VWA8: variants seen among roughly 807,000 people sequenced by gnomAD.
VWA8 encodes von Willebrand factor A domain containing 8, also known as von Willebrand factor A domain-containing protein 8.
Under a neutral mutation model 241.5 loss-of-function variants are expected in VWA8, and 221 were observed. That is an observed-to-expected ratio of 0.91 (90% CI 0.82 to 1.02). The LOEUF (loss-of-function observed/expected upper bound fraction) is 1.02. Ranked by LOEUF, VWA8 falls within the 50% of genes least tolerant of loss-of-function variation. The pLI is 0.00. For missense variants in VWA8, 2,322 were observed against 2,328.7 expected, an observed-to-expected ratio of 1.00 and a Z score of 0.06; for synonymous variants, 852 against 827.1, an observed-to-expected ratio of 1.03 and a Z score of -0.52.
intron 40 of VWA8, among the ~76,000 whole-genome samples, chr13:41,593,648 T>C (rs1313643976): frequency 1.3e-5 from 2 of 152,208 alleles, no homozygotes; most frequent in African/African-American, 4.8e-5. Context: ...GGATAATTTA[T>C]CCTGGGAAAT....
chr13:41,961,015 T>TGGCGCCGGGGGGGCTGTCGGGGAC lies in VWA8; in HGVS notation c.-24_-1dup, dbSNP rs1878593035. On this transcript the variant is annotated 5_prime_UTR_variant, in exon 1 of 45. Coordinates refer to ENST00000379310, the MANE Select transcript of VWA8 (RefSeq NM_015058.2). ...CCGAGGAGTAGAAGCCGGGATTGCATGGCGCCGGGGGGGCTGTCGGGGACG... is the reference window on the plus strand; with the variant it reads ...CCGAGGAGTAGAAGCCGGGATTGCATGGCGCCGGGGGGGCTGTCGGGGACGGCGCCGGGGGGGCTGTCGGGGACG... The TGGCGCCGGGGGGGCTGTCGGGGAC allele has an allele frequency of 1.1e-5, 14 of 1,327,286 alleles. No individual in the cohort carries two copies. The highest frequency in any genetic ancestry group is 4.0e-5 in the Admixed American group (1 of 24,938). 82.2% of individuals were successfully genotyped at this position (1,327,286 alleles called of 1,614,324 possible). A position where few individuals can be genotyped will look rare whatever the true frequency, so the allele number is the denominator to read the frequency against.
chr13:41,670,861 C>T, intron 37 of VWA8, 85 bp downstream of exon 37: 1 of 1,514,266 alleles, frequency 6.6e-7, no homozygotes, highest in Non-Finnish European at 9.0e-7. Context: ...GTCACTGGCC[C>T]AGAAATTTTC....
intron 5 of VWA8, among the ~76,000 whole-genome samples, chr13:41,890,104 A>C (rs1033602879): frequency 6.6e-6 from 1 of 152,270 alleles, no homozygotes; most frequent in South Asian, 2.1e-4. Flanking sequence ...TGTACTTCAC[A>C]GTAAAGCATC....
chr13:41,951,165 C>G (rs1269944211), intron 1 of VWA8, among the ~76,000 whole-genome samples: 1 of 152,058 alleles, frequency 6.6e-6, no homozygotes, highest in Non-Finnish European at 1.5e-5. Flanking sequence ...GCCTGTAATC[C>G]TAGCACTTTG....
At chr13:41,588,403 A>C (rs999119286) in intron 41 of VWA8, among the ~76,000 whole-genome samples, 4 of 152,192 alleles carry the variant, frequency 2.6e-5, no homozygotes, top group African/African-American at 9.7e-5. Context: ...TTTTAAGAAA[A>C]AGTTTGTTAG....
chr13:41,879,094 C>A (rs926060700), intron 9 of VWA8, among the ~76,000 whole-genome samples: 2 of 152,100 alleles, frequency 1.3e-5, no homozygotes, highest in South Asian at 2.1e-4. Context: ...GGAGTCACGA[C>A]CTTTGATCTT....
At chr13:41,808,908 A>C (rs576170707) in intron 17 of VWA8, among the ~76,000 whole-genome samples, 8 of 152,318 alleles carry the variant, frequency 5.3e-5, no homozygotes, top group Non-Finnish European at 1.0e-4. Context: ...AAATTCATTA[A>C]AGTTGCAGGA....
intron 37 of VWA8, among the ~76,000 whole-genome samples, chr13:41,617,152 T>C (rs1379162274): frequency 1.3e-5 from 2 of 152,118 alleles, no homozygotes; most frequent in Admixed American, 6.5e-5. Flanking sequence ...GAAGTCTTGC[T>C]CTGTCACACA....
Position 41,721,525 on chromosome 13 carries a change from G to T in VWA8, c.2809C>A (p.Leu937Ile), listed in dbSNP as rs771677754. The T allele has an allele frequency of 6.2e-7, 1 of 1,613,786 alleles. No individual in the cohort carries two copies. Among genetic ancestry groups the T allele is most frequent in the Non-Finnish European group, 8.5e-7 (1 of 1,179,818 alleles). ...AVDNPKPHSE[L>I]EMLRQYGPNV... ...GGTCCATACTGTCTGAGCATCTCGA[G>T]CTCCGAGTGGGGTTTGGGGTTATCA... The change falls in exon 25 of 45, where the codon CTC (leucine) becomes ATC (isoleucine). Residue 937 changes from leucine to isoleucine, a missense_variant. Leu to Ile is a conservative substitution (Grantham distance 5, BLOSUM62 2). Coordinates refer to ENST00000379310, the MANE Select transcript of VWA8 (RefSeq NM_015058.2).
chr13:41,932,068 A>G (rs1426001485), intron 2 of VWA8, among the ~76,000 whole-genome samples: 1 of 152,132 alleles, frequency 6.6e-6, no homozygotes, highest in Non-Finnish European at 1.5e-5. Context: ...TGGTCAGACT[A>G]TTAAGAGAGA....
At chr13:41,855,344 A>T (rs1271277426) in intron 12 of VWA8, among the ~76,000 whole-genome samples, 1 of 145,776 alleles carries the variant, frequency 6.9e-6, no homozygotes, top group Non-Finnish European at 1.5e-5. Flanking sequence ...TATATAATAT[A>T]TAAATATATA....
intron 14 of VWA8, among the ~76,000 whole-genome samples, chr13:41,825,799 C>T (rs1871149883): frequency 1.3e-5 from 2 of 152,146 alleles, no homozygotes; most frequent in African/African-American, 2.4e-5. Context: ...CAATGTGGGT[C>T]ATAAGTTTCT....
intron 10 of VWA8, among the ~76,000 whole-genome samples, chr13:41,867,112 T>G (rs1267453016): frequency 6.6e-6 from 1 of 152,186 alleles, no homozygotes; most frequent in African/African-American, 2.4e-5. Context: ...GCAATGAGGT[T>G]AAAAAGCCAT....
chr13:41,926,377 G>T, intron 2 of VWA8: 1 of 551,178 alleles, frequency 1.8e-6, no homozygotes, highest in Non-Finnish European at 3.5e-6. Context: ...GATGAACTGG[G>T]ATTCCTAAAG....
rs567316423 is a variant in VWA8, at chr13:41,723,674, A to G, written c.2759-2099T>C. ...AGAGAAAGAGAGAAACAAAAAATGA[A>G]TTTGGAGTTGTCATTAACAGAGATT... On this transcript the variant is annotated intron_variant, in intron 24 of 44. Transcript: ENST00000379310. Among the ~76,000 whole-genome samples the G allele has an allele frequency of 2.6e-5, 4 of 152,302 alleles. No individual in the cohort carries two copies. The South Asian group carries it at 8.3e-4, about 32-fold the overall frequency.
intron 40 of VWA8, among the ~76,000 whole-genome samples, chr13:41,603,411 A>G (rs926310059): frequency 1.3e-5 from 2 of 152,158 alleles, no homozygotes; most frequent in African/African-American, 4.8e-5. Context: ...CCATTTATCT[A>G]AAGCACTGAT....
intron 16 of VWA8, among the ~76,000 whole-genome samples, chr13:41,816,472 T>C (rs1014581019): frequency 3.7e-4 from 57 of 152,194 alleles, no homozygotes; most frequent in Non-Finnish European, 7.5e-4. Flanking sequence ...TGAAGTACTC[T>C]GGAGCTACAA....
chr13:41,732,017 A>T lies in VWA8; in HGVS notation c.2502+63T>A, dbSNP rs547034186. ...ATCCATGAGAGTTCCATCCTCCAAA[A>T]ACTGAAATACAACTATGATACAAAA... On this transcript the variant is annotated intron_variant, in intron 22 of 44. Transcript: ENST00000379310. The T allele has an allele frequency of 5.5e-6, 8 of 1,465,984 alleles. No individual in the cohort carries two copies. In the East Asian group the frequency reaches 1.8e-4, roughly 34 times the overall value. 90.8% of individuals were successfully genotyped at this position (1,465,984 alleles called of 1,614,324 possible). A position where few individuals can be genotyped will look rare whatever the true frequency, so the allele number is the denominator to read the frequency against.
chr13:41,913,353 G>A (rs1233313260), intron 2 of VWA8, among the ~76,000 whole-genome samples: 1 of 152,178 alleles, frequency 6.6e-6, no homozygotes. Flanking sequence ...TAATATTCTA[G>A]TTTTTACATT....
Sources: gnomAD v4.1 joint callset for allele counts (sites outside exome capture counted in the v4.1 genomes callset) on GRCh38, gnomAD v4.1.1 for gene constraint, MANE v1.5 for transcripts, NCBI Gene and HGNC (gene_info 2026-07-23, HGNC 2026-07-21) for gene names.